The following GPI variants were observed in gnomAD, a reference collection of about 807,000 sequenced individuals.
The protein encoded by GPI is D-hexose-6-phosphate anomerase.
GPI carries 56 observed loss-of-function variants against 75.8 expected under a neutral mutation model. The ratio of observed to expected loss-of-function variants is 0.74; its 90% CI spans 0.60 to 0.92. GPI has a LOEUF of 0.92. Among genes scored for constraint, GPI ranks in the 40% least tolerant of loss-of-function variants. The probability of loss-of-function intolerance (pLI) is 0.00; values close to 1 mark genes in which losing one functional copy is unlikely to be tolerated. For missense variants in GPI, 638 were observed against 741.0 expected, an observed-to-expected ratio of 0.86 and a Z score of 1.61; for synonymous variants, 288 against 285.4, an observed-to-expected ratio of 1.01 and a Z score of -0.09.
At chr19:34,368,546 G>A (rs200901502) in intron 3 of GPI, 37 bp from the exon 4 acceptor site, 46 of 1,612,950 alleles carry the variant, frequency 2.9e-5, no homozygotes, top group Non-Finnish European at 3.6e-5. Flanking sequence ...CCTGGGGTTG[G>A]GGGGGGCAGT....
In GPI at chr19:34,381,230, C is replaced by T. The variant is rs2074645889; in HGVS notation, c.751-236C>T. On this transcript the variant is annotated intron_variant, in intron 8 of 17. Transcript: ENST00000356487. ...CAGCTGCCCTCAGCAGGGGGCTTTGCAGGCACAACGTCACTGGCGTGCTGG... is the reference window on the plus strand; with the variant it reads ...CAGCTGCCCTCAGCAGGGGGCTTTGTAGGCACAACGTCACTGGCGTGCTGG... The T allele has an allele frequency of 6.7e-6, 4 of 593,686 alleles. No individual in the cohort carries two copies. In the South Asian group the frequency reaches 7.7e-5, roughly 11 times the overall value. 36.8% of individuals were successfully genotyped at this position (593,686 alleles called of 1,614,324 possible). A position where few individuals can be genotyped will look rare whatever the true frequency, so the allele number is the denominator to read the frequency against.
At chr19:34,388,230 A>C (rs1188360992) in intron 9 of GPI, among the ~76,000 whole-genome samples, 3 of 152,332 alleles carry the variant, frequency 2.0e-5, no homozygotes, top group South Asian at 2.1e-4. Flanking sequence ...TCATCCCAGC[A>C]CTTTGGGAGG....
intron 4 of GPI, among the ~76,000 whole-genome samples, chr19:34,375,188 G>A (rs1299901508): frequency 1.3e-5 from 2 of 150,552 alleles, no homozygotes; most frequent in East Asian, 1.9e-4. Flanking sequence ...TGTCGCCCAG[G>A]CTAGAGTGCA....
intron 9 of GPI, among the ~76,000 whole-genome samples, chr19:34,390,602 A>G (rs1568343289): frequency 1.3e-5 from 2 of 149,900 alleles, no homozygotes; most frequent in East Asian, 4.0e-4. Flanking sequence ...AGATAACAGC[A>G]GGTTACAGGT....
upstream of GPI, among the ~76,000 whole-genome samples, chr19:34,364,458 C>T (rs2145308474): frequency 6.6e-6 from 1 of 151,194 alleles, no homozygotes; most frequent in Non-Finnish European, 1.5e-5. Flanking sequence ...GCAGTCTTCA[C>T]CTCCCAGGTT....
chr19:34,371,063 C>T (rs1217837353), intron 4 of GPI, among the ~76,000 whole-genome samples: 11 of 152,228 alleles, frequency 7.2e-5, no homozygotes, highest in Admixed American at 7.2e-4. Context: ...CATTAAAAGC[C>T]TAGTGCTGTG....
chr19:34,371,181 C>T (rs10402237), intron 4 of GPI, among the ~76,000 whole-genome samples: 14,572 of 152,272 alleles, frequency 0.096, 1,089 homozygotes, highest in African/African-American at 0.2. Context: ...ACTGGAGTAC[C>T]TGACTCAGGC....
chr19:34,377,772 C>CT lies in GPI; in HGVS notation c.526dup (p.Ser176PhefsTer13), dbSNP rs1362561812. ...GTGACTGAAGCCCTTAAGCCATACT[C>CT]TTCAGGAGGTCCCCGCGTCTGGTAT... On this transcript the variant is annotated frameshift_variant, in exon 6 of 18. Transcript: ENST00000356487. LOFTEE classifies it high-confidence loss of function. 15 of 1,614,084 alleles carry CT rather than the reference C, an allele frequency of 9.3e-6. No homozygotes were observed. Among genetic ancestry groups the CT allele is most frequent in the Non-Finnish European group, 1.3e-5 (15 of 1,179,960 alleles).
intron 12 of GPI, among the ~76,000 whole-genome samples, chr19:34,395,298 G>A (rs1477709747): frequency 1.3e-5 from 2 of 151,896 alleles, no homozygotes; most frequent in South Asian, 2.1e-4. Context: ...GGAGGCAGAG[G>A]CTGGGGGGAA....
Position 34,400,560 on chromosome 19 carries a change from C to G in GPI, c.*524C>G. On this transcript the variant is annotated 3_prime_UTR_variant, in exon 18 of 18. Coordinates refer to ENST00000356487, the MANE Select transcript of GPI (RefSeq NM_000175.5). Reference sequence around the variant, plus strand: ...CCAAATCCCAAGACTGTTTTCCACTCCTCACCTCTGTGACTGCAGAAATTG... The same window carrying G: ...CCAAATCCCAAGACTGTTTTCCACTGCTCACCTCTGTGACTGCAGAAATTG... The G allele has an allele frequency of 2.2e-6, 1 of 450,162 alleles. No homozygotes were observed. Among genetic ancestry groups the G allele is most frequent in the East Asian group, 3.2e-5 (1 of 31,216 alleles). The allele number at this position is 450,162 out of a possible 1,614,324, so 27.9% of individuals were successfully genotyped here. A position where few individuals can be genotyped will look rare whatever the true frequency, so the allele number is the denominator to read the frequency against.
At chr19:34,394,799 C>T (rs769387021) in intron 12 of GPI, among the ~76,000 whole-genome samples, 35 of 152,142 alleles carry the variant, frequency 2.3e-4, no homozygotes, top group Middle Eastern at 3.4e-3. Context: ...TTGCAACCTC[C>T]GCTTCCTGAG....
intron 3 of GPI, chr19:34,367,109 T>C: frequency 1.6e-6 from 1 of 626,394 alleles, no homozygotes; most frequent in East Asian, 2.9e-5. Context: ...AGGGAGAGTT[T>C]CTCAAGGCTG....
chr19:34,390,176 A>C (rs578015517), intron 9 of GPI, among the ~76,000 whole-genome samples: 1 of 148,380 alleles, frequency 6.7e-6, no homozygotes, highest in South Asian at 2.2e-4. Context: ...TGTTCAACAA[A>C]GAATGGCACA....
At chr19:34,399,685 G>A in intron 16 of GPI, 34 bp from the exon 17 acceptor site, 2 of 1,612,952 alleles carry the variant, frequency 1.2e-6, no homozygotes, top group Non-Finnish European at 1.7e-6. Flanking sequence ...TGGGCTTGTG[G>A]AGCCCTGATG....
intron 8 of GPI, chr19:34,379,868 G>A: frequency 3.7e-6 from 2 of 540,820 alleles, no homozygotes; most frequent in Non-Finnish European, 6.7e-6. Flanking sequence ...TTTGTGCCCA[G>A]CATCTCCCCA....
In GPI at chr19:34,393,828, C is replaced by G. The variant is rs1299359886; in HGVS notation, c.909+57C>G. On this transcript the variant is annotated intron_variant, in intron 11 of 17. Transcript: ENST00000356487. The surrounding 1 kb of genome is among the most constrained non-coding windows in gnomAD (Gnocchi z 4.4). ...CTGGCCAGAGGCGCGTGTGTTGGTC[C>G]TGGTCCCCCGCTTTCTCCCCCACTG... is the stretch of plus-strand genomic sequence containing the variant. 1.2e-6 allele frequency: 2 copies of G among 1,606,242 alleles called. No homozygotes were observed. Among genetic ancestry groups the G allele is most frequent in the African/African-American group, 2.7e-5 (2 of 74,746 alleles).
chr19:34,371,784 G>A (rs2074456716), intron 4 of GPI, among the ~76,000 whole-genome samples: 1 of 151,400 alleles, frequency 6.6e-6, no homozygotes, highest in South Asian at 2.1e-4. Flanking sequence ...GAACCCCAGA[G>A]GTGGAGGTTG....
At chr19:34,374,768 C>T (rs1470102725) in intron 4 of GPI, among the ~76,000 whole-genome samples, 2 of 146,222 alleles carry the variant, frequency 1.4e-5, no homozygotes, top group Admixed American at 6.9e-5. Flanking sequence ...CTCACACTGT[C>T]GCCCAGGCTG....
At chr19:34,374,439 G>A (rs1045964150) in intron 4 of GPI, among the ~76,000 whole-genome samples, 1 of 152,110 alleles carries the variant, frequency 6.6e-6, no homozygotes, top group African/African-American at 2.4e-5. Flanking sequence ...CTGGCGCCTA[G>A]TGATTGATTT....
Sources: gnomAD v4.1 joint callset for allele counts (sites outside exome capture counted in the v4.1 genomes callset) on GRCh38, gnomAD v4.1.1 for gene constraint, Gnocchi (gnomAD v3.1) non-coding constraint, MANE v1.5 for transcripts, NCBI Gene and HGNC (gene_info 2026-07-23, HGNC 2026-07-21) for gene names.